PAN3: variants seen among roughly 807,000 people sequenced by gnomAD.
PAN3 encodes PAN2-PAN3 deadenylation complex subunit PAN3.
Under a neutral mutation model 96.2 loss-of-function variants are expected in PAN3, and 19 were observed. That is an observed-to-expected ratio of 0.20 (90% CI 0.14 to 0.29). The LOEUF (loss-of-function observed/expected upper bound fraction) is 0.29. PAN3 is among the 10% of genes least tolerant of loss of function. The pLI, the probability that PAN3 is intolerant of heterozygous loss-of-function variation, is 1.00. For missense variants in PAN3, 882 were observed against 1,108.1 expected, an observed-to-expected ratio of 0.80 and a Z score of 2.90; for synonymous variants, 433 against 406.6, an observed-to-expected ratio of 1.06 and a Z score of -0.78.
At chr13:28,204,827 G>C (rs1879156491) in intron 5 of PAN3, among the ~76,000 whole-genome samples, 1 of 152,148 alleles carries the variant, frequency 6.6e-6, no homozygotes, top group African/African-American at 2.4e-5. Context: ...TTTGAAAATT[G>C]TGTGGTTGTG....
chr13:28,144,218 T>TG (rs1176499695), intron 1 of PAN3, among the ~76,000 whole-genome samples: 4 of 141,110 alleles, frequency 2.8e-5, no homozygotes, highest in Admixed American at 1.4e-4. Flanking sequence ...TTTGTTTTTT[T>TG]TTTTTTTTTT....
chr13:28,267,681 CAA>C (rs977917915), intron 12 of PAN3, among the ~76,000 whole-genome samples: 16 of 152,150 alleles, frequency 1.1e-4, no homozygotes, highest in Admixed American at 4.6e-4. Context: ...TGGCGGCAGA[CAA>C]GAGAAGTGAA....
intron 6 of PAN3, among the ~76,000 whole-genome samples, chr13:28,234,930 A>G (rs1882940445): frequency 6.6e-6 from 1 of 152,176 alleles, no homozygotes; most frequent in Non-Finnish European, 1.5e-5. Flanking sequence ...TATTTAGGCT[A>G]ATTGGTCTAC....
At position 28,176,542 on chromosome 13, in the gene PAN3, A is replaced by G. The variant is rs781286573; in HGVS notation, c.602A>G (p.Lys201Arg). Residue 201 changes from lysine (K) to arginine (R), a missense_variant, in exon 3 of 19, where the codon AAG (lysine) becomes AGG (arginine). Around this residue, in one of 3 missense-constraint regions of PAN3, gnomAD observed 442 missense variants for 422.8 expected, o/e 1.05. Coordinates refer to ENST00000380958, the MANE Select transcript of PAN3 (RefSeq NM_175854.8). ...SSPSLLNDSAKPYSAHDPLTS... is the reference protein window; with the variant it reads ...SSPSLLNDSARPYSAHDPLTS... ...CCAAGCCTTCTAAATGACAGTGCCA[A>G]GCCATATTCAGCCCATGGTAAGACC... 2 of 1,613,830 alleles carry G rather than the reference A, an allele frequency of 1.2e-6. No individual in the cohort carries two copies. Among genetic ancestry groups the G allele is most frequent in the African/African-American group, 2.7e-5 (2 of 74,928 alleles).
At chr13:28,207,620 A>T (rs913303227) in intron 5 of PAN3, among the ~76,000 whole-genome samples, 13 of 151,098 alleles carry the variant, frequency 8.6e-5, no homozygotes, top group African/African-American at 3.2e-4. Context: ...TGATTTAGCA[A>T]ACTTGTCTTT....
At chr13:28,281,292 T>C in intron 16 of PAN3, 23 bp from the exon 17 acceptor site, 1 of 1,589,966 alleles carries the variant, frequency 6.3e-7, no homozygotes, top group South Asian at 1.1e-5. Context: ...TTAACATTTT[T>C]CTCTTTTTAA....
At chr13:28,266,987 T>TG in intron 10 of PAN3, 108 bp from the exon 11 acceptor site, 1 of 1,288,012 alleles carries the variant, frequency 7.8e-7, no homozygotes, top group Non-Finnish European at 1.0e-6. Flanking sequence ...TATTTGGAAA[T>TG]TAGTACCTCA....
chr13:28,227,433 G>T (rs777074165), intron 6 of PAN3, among the ~76,000 whole-genome samples: 1 of 152,040 alleles, frequency 6.6e-6, no homozygotes, highest in African/African-American at 2.4e-5. Flanking sequence ...CTTTAACTAC[G>T]AGTTACCGAT....
chr13:28,261,517 G>A, intron 9 of PAN3, 59 bp downstream of exon 9: 1 of 1,475,206 alleles, frequency 6.8e-7, no homozygotes. Flanking sequence ...TTACGTGGTA[G>A]TACATGTTTT....
At chr13:28,193,938 C>A (rs1877637905) in intron 4 of PAN3, among the ~76,000 whole-genome samples, 1 of 151,848 alleles carries the variant, frequency 6.6e-6, no homozygotes, top group African/African-American at 2.4e-5. Flanking sequence ...AGGTGGATCA[C>A]CTGAGGTCAG....
In PAN3 at chr13:28,265,728, T is replaced by TAACAGACATAA. The variant is rs1566243218; in HGVS notation, c.1412-987_1412-986insAACAGACATAA. ...TGTTTTTGTTTATAGGGTTTTTTTT[T>TAACAGACATAA]TTTTTTTTTTTTTTTTGAGACGGAG... On this transcript the variant is annotated intron_variant, in intron 9 of 18. Transcript: ENST00000380958. Among the ~76,000 whole-genome samples the TAACAGACATAA allele has an allele frequency of 1.5e-4, 2 of 13,750 alleles. 1 individual carries two copies. Among genetic ancestry groups the TAACAGACATAA allele is most frequent in the Non-Finnish European group, 2.2e-4 (2 of 9,200 alleles). The allele number at this position is 13,750 out of a possible 152,430, so 9.0% of individuals were successfully genotyped here. A position where few individuals can be genotyped will look rare whatever the true frequency, so the allele number is the denominator to read the frequency against.
At chr13:28,179,905 A>G (rs1287217311) in intron 4 of PAN3, among the ~76,000 whole-genome samples, 1 of 152,158 alleles carries the variant, frequency 6.6e-6, no homozygotes, top group Non-Finnish European at 1.5e-5. Flanking sequence ...AATTGAGAAT[A>G]TATAGTACCT....
At chr13:28,148,726 T>C (rs897744451) in intron 1 of PAN3, among the ~76,000 whole-genome samples, 1 of 152,074 alleles carries the variant, frequency 6.6e-6, no homozygotes, top group Non-Finnish European at 1.5e-5. Context: ...AACACACATA[T>C]ATACACATAT....
intron 9 of PAN3, 75 bp from the exon 10 acceptor site, chr13:28,266,640 T>C (rs1387525848): frequency 7.5e-6 from 9 of 1,197,490 alleles, no homozygotes; most frequent in African/African-American, 4.6e-5. Flanking sequence ...ATAGTAAATA[T>C]CATGTCTTCT....
At chr13:28,202,874 T>C (rs1275026899) in intron 5 of PAN3, among the ~76,000 whole-genome samples, 1 of 152,226 alleles carries the variant, frequency 6.6e-6, no homozygotes, top group African/African-American at 2.4e-5. Context: ...GCCATTACTT[T>C]TAATGCAAAA....
intron 1 of PAN3, among the ~76,000 whole-genome samples, chr13:28,147,054 G>A (rs145201771): frequency 0.01 from 1,569 of 152,162 alleles, 24 homozygotes; most frequent in African/African-American, 0.035. Context: ...TGTGATCACC[G>A]TCATACATTT....
intron 4 of PAN3, among the ~76,000 whole-genome samples, chr13:28,179,549 T>C (rs1875490159): frequency 6.6e-6 from 1 of 152,150 alleles, no homozygotes; most frequent in East Asian, 1.9e-4. Context: ...ACCCCATCTC[T>C]TATAAAAATA....
At chr13:28,193,396 G>A (rs1877531898) in intron 4 of PAN3, among the ~76,000 whole-genome samples, 1 of 152,114 alleles carries the variant, frequency 6.6e-6, no homozygotes, top group Admixed American at 6.5e-5. Context: ...ATGAAGAAAC[G>A]TAATTTAATG....
chr13:28,179,984 T>C (rs891192869), intron 4 of PAN3, among the ~76,000 whole-genome samples: 3 of 152,138 alleles, frequency 2.0e-5, no homozygotes, highest in Non-Finnish European at 4.4e-5. Flanking sequence ...TTGAAAATAA[T>C]GTTAGTAGAA....
Sources: gnomAD v4.1 joint callset for allele counts (sites outside exome capture counted in the v4.1 genomes callset) on GRCh38, gnomAD v4.1.1 for gene constraint, gnomAD v4.1.1 regional missense constraint, MANE v1.5 for transcripts, NCBI Gene and HGNC (gene_info 2026-07-23, HGNC 2026-07-21) for gene names.